Variants in IGF2BP3 observed in about 807,000 individuals in gnomAD.
The protein encoded by IGF2BP3 is insulin like growth factor 2 mRNA binding protein 3, also known as insulin-like growth factor 2 mRNA-binding protein 3.
A neutral mutation model predicts 73.8 loss-of-function variants in IGF2BP3; 9 were observed. The ratio of observed to expected loss-of-function variants is 0.12; its 90% CI spans 0.07 to 0.21. IGF2BP3 has a LOEUF of 0.21. Ranked by LOEUF, IGF2BP3 falls within the 10% of genes least tolerant of loss-of-function variation. The probability of loss-of-function intolerance (pLI) is 1.00; values close to 1 mark genes in which losing one functional copy is unlikely to be tolerated. For missense variants in IGF2BP3, 542 were observed against 714.0 expected (o/e 0.76, Z 2.75); for synonymous variants, 258 against 256.7 (o/e 1.01, Z -0.05).
chr7:23,326,534 AAAT>A, intron 10 of IGF2BP3, among the ~76,000 whole-genome samples: 1 of 151,762 alleles, frequency 6.6e-6, no homozygotes, highest in African/African-American at 2.4e-5. Flanking sequence ...CTGGAACTAG[AAAT>A]ACCATTTGAC....
intron 2 of IGF2BP3, among the ~76,000 whole-genome samples, chr7:23,464,867 C>T (rs1012325260): frequency 2.0e-5 from 3 of 151,924 alleles, no homozygotes; most frequent in East Asian, 1.9e-4. Context: ...CAATGCCAAC[C>T]GCTAAATCAT....
intron 2 of IGF2BP3, among the ~76,000 whole-genome samples, chr7:23,449,381 G>C (rs1788140542): frequency 6.6e-6 from 1 of 151,740 alleles, no homozygotes. Flanking sequence ...GCCGGGTGTG[G>C]TGGTGGGCGT....
chr7:23,377,240 C>T (rs528665385), intron 3 of IGF2BP3, among the ~76,000 whole-genome samples: 7 of 152,228 alleles, frequency 4.6e-5, no homozygotes, highest in African/African-American at 1.4e-4. Flanking sequence ...TGATAAGGGA[C>T]TTACATCTAG....
At chr7:23,462,647 C>T (rs1010305193) in intron 2 of IGF2BP3, among the ~76,000 whole-genome samples, 6 of 152,172 alleles carry the variant, frequency 3.9e-5, no homozygotes, top group Non-Finnish European at 4.4e-5. Flanking sequence ...CAGGTGTGAG[C>T]CACCTCGCCT....
rs759196689 is a variant in IGF2BP3, at chr7:23,418,797, G to A, written c.264C>T (p.Ile88=). ...QRIRKLQIRN[I]PPHLQWEVLD... is the part of the protein sequence containing the mutation. The stretch of plus-strand genomic sequence containing the variant: ...TTACCTCCCACTGTAAATGAGGCGG[G>A]ATATTTCGTATCTGAAGTTTCCGAA... Residue 88 remains isoleucine (I), a synonymous_variant, in exon 3 of 15, where the codon ATC becomes ATT. Transcript: ENST00000258729. 35 of 1,583,242 alleles carry A rather than the reference G, an allele frequency of 2.2e-5. No homozygotes were observed. The South Asian group carries it at 3.0e-4, about 13-fold the overall frequency.
At chr7:23,432,996 G>C (rs79657736) in intron 2 of IGF2BP3, among the ~76,000 whole-genome samples, 1 of 152,136 alleles carries the variant, frequency 6.6e-6, no homozygotes, top group Non-Finnish European at 1.5e-5. Context: ...ACACGCAGTT[G>C]AACAGTTACT....
intron 2 of IGF2BP3, among the ~76,000 whole-genome samples, chr7:23,435,677 C>T (rs1442846000): frequency 6.6e-6 from 1 of 152,008 alleles, no homozygotes; most frequent in Non-Finnish European, 1.5e-5. Flanking sequence ...AGGATGGTCT[C>T]GATCTCCTGA....
chr7:23,372,684 C>T (rs1358452861), intron 3 of IGF2BP3, among the ~76,000 whole-genome samples: 1 of 152,150 alleles, frequency 6.6e-6, no homozygotes, highest in Admixed American at 6.5e-5. Flanking sequence ...TAAGAGATCC[C>T]TAACAAGTGC....
At chr7:23,349,806 G>C (rs529574664) in intron 6 of IGF2BP3, among the ~76,000 whole-genome samples, 5 of 152,260 alleles carry the variant, frequency 3.3e-5, no homozygotes, top group Non-Finnish European at 7.4e-5. Flanking sequence ...TCTTTCATCT[G>C]ACAGGGAAAT....
At chr7:23,433,931 C>T (rs948546322) in intron 2 of IGF2BP3, among the ~76,000 whole-genome samples, 2 of 151,742 alleles carry the variant, frequency 1.3e-5, no homozygotes, top group Non-Finnish European at 2.9e-5. Context: ...AAAAATTAGC[C>T]GGGCATCACG....
rs61675193 is a variant in IGF2BP3 at position 23,460,197 on chromosome 7, C to CA, written c.236+8284dup. The stretch of plus-strand genomic sequence containing the variant: ...CTGCCTCAAAAAAAAAAAAAAAAAA[C>CA]AAAAACGAAAGTGAGCTCACACTCA... On this transcript the variant is annotated intron_variant, in intron 2 of 14. Transcript: ENST00000258729. Among the ~76,000 whole-genome samples the CA allele has an allele frequency of 9.0e-4, 102 of 113,362 alleles. 2 individuals are homozygous for CA. The highest frequency in any genetic ancestry group is 3.4e-3 in the African/African-American group (98 of 29,118). The allele number at this position is 113,362 out of a possible 152,430, so 74.4% of individuals were successfully genotyped here.
At chr7:23,393,976 T>C (rs1008565597) in intron 3 of IGF2BP3, among the ~76,000 whole-genome samples, 8 of 152,188 alleles carry the variant, frequency 5.3e-5, no homozygotes, top group African/African-American at 1.9e-4. Flanking sequence ...AAATCCATAA[T>C]GCTTTCAAGA....
chr7:23,448,658 T>C (rs1788122414), intron 2 of IGF2BP3, among the ~76,000 whole-genome samples: 2 of 152,008 alleles, frequency 1.3e-5, no homozygotes, highest in South Asian at 4.1e-4. Flanking sequence ...TGAGGCAGAG[T>C]CTCGTTCTAT....
intron 10 of IGF2BP3, among the ~76,000 whole-genome samples, chr7:23,329,114 G>A (rs1342215387): frequency 2.0e-5 from 3 of 151,956 alleles, no homozygotes; most frequent in Non-Finnish European, 4.4e-5. Flanking sequence ...TCGGGAGGCT[G>A]AGGCAGGAGA....
intron 3 of IGF2BP3, among the ~76,000 whole-genome samples, chr7:23,411,984 CT>C (rs767524257): frequency 0.031 from 3,244 of 104,750 alleles, 38 homozygotes; most frequent in African/African-American, 0.083. Context: ...ACTTATTTCT[CT>C]TTTTTTTTTT....
chr7:23,456,071 A>C (rs1251847617), intron 2 of IGF2BP3, among the ~76,000 whole-genome samples: 1 of 152,188 alleles, frequency 6.6e-6, no homozygotes, highest in African/African-American at 2.4e-5. Flanking sequence ...TTAAACTAAA[A>C]ATTTACATAA....
At chr7:23,452,424 G>A (rs567954218) in intron 2 of IGF2BP3, among the ~76,000 whole-genome samples, 3 of 152,298 alleles carry the variant, frequency 2.0e-5, no homozygotes, top group Admixed American at 1.3e-4. Context: ...AATACTACAA[G>A]TGAAATTGCT....
intron 5 of IGF2BP3, among the ~76,000 whole-genome samples, chr7:23,359,083 CTT>C (rs1785162954): frequency 6.6e-6 from 1 of 152,202 alleles, no homozygotes; most frequent in Non-Finnish European, 1.5e-5. Context: ...TCTTAACAGC[CTT>C]TTCCTTCCTC....
intron 3 of IGF2BP3, among the ~76,000 whole-genome samples, chr7:23,412,817 G>T (rs1004187043): frequency 1.6e-5 from 2 of 127,180 alleles, no homozygotes; most frequent in Admixed American, 8.8e-5. Flanking sequence ...GAGAAACTGA[G>T]AAATCCTTTC....
Sources: allele counts gnomAD v4.1 joint callset (sites outside exome capture counted in the v4.1 genomes callset), GRCh38; gene constraint gnomAD v4.1.1; transcripts MANE v1.5; gene names NCBI Gene and HGNC (gene_info 2026-07-23, HGNC 2026-07-21).